PANK4: variants seen among roughly 807,000 people sequenced by gnomAD.
PANK4 encodes the protein 4'-phosphopantetheine phosphatase.
PANK4 carries 40 observed loss-of-function variants against 87.9 expected under a neutral mutation model. The ratio of observed to expected loss-of-function variants is 0.46; its 90% CI spans 0.35 to 0.59. PANK4 has a LOEUF of 0.59. PANK4 is among the 20% of genes least tolerant of loss of function. The pLI, the probability that PANK4 is intolerant of heterozygous loss-of-function variation, is 0.00. For synonymous variants in PANK4, 524 were observed against 467.4 expected (o/e 1.12, Z -1.56); for missense variants, 926 against 1,072.3 (o/e 0.86, Z 1.90).
chr1:2,522,286 C>A lies in PANK4; in HGVS notation c.125-486G>T, dbSNP rs928978320. ...GGGCGGTAACGGGGCCTGAGCAGCTCCCCTACCCTGGAGAGGCAAACGGTG... is the reference window on the plus strand; with the variant it reads ...GGGCGGTAACGGGGCCTGAGCAGCTACCCTACCCTGGAGAGGCAAACGGTG... On this transcript the variant is annotated intron_variant, in intron 1 of 18. Transcript: ENST00000378466. 6.2e-4 allele frequency among the ~76,000 whole-genome samples: 95 copies of A among 152,322 alleles called. 2 individuals are homozygous for A. The highest frequency in any genetic ancestry group is 2.1e-3 in the African/African-American group (86 of 41,572).
At chr1:2,517,312 T>C (rs1050108515) in intron 9 of PANK4, among the ~76,000 whole-genome samples, 1 of 152,184 alleles carries the variant, frequency 6.6e-6, no homozygotes, top group Non-Finnish European at 1.5e-5. Flanking sequence ...GGAGGCGCCC[T>C]CCTGAGAAGC....
chr1:2,519,245 T>C lies in PANK4; in HGVS notation c.933A>G (p.Ala311=), dbSNP rs1333446891. 1.9e-6 allele frequency: 3 copies of C among 1,612,558 alleles called. No homozygotes were observed. The highest frequency in any genetic ancestry group is 3.3e-5 in the Admixed American group (2 of 60,000). ...ACACGCGGTCCAGGCTGTGCAGCCG[T>C]GCGTGGAGGCAGGCCAGCTGCCCAA... ...NDIGQLACLH[A]RLHSLDRVYF... Residue 311 remains alanine, a synonymous_variant, in exon 7 of 19, where the codon GCA becomes GCG. Coordinates refer to ENST00000378466, the MANE Select transcript of PANK4 (RefSeq NM_018216.4). This position sits in a 1 kb window ranked among gnomAD's most constrained non-coding sequence, Gnocchi z 8.3.
At position 2,510,648 on chromosome 1, in the gene PANK4, A is replaced by C; in HGVS notation, c.1938+30T>G. On this transcript the variant is annotated intron_variant, in intron 16 of 18. Transcript: ENST00000378466. The surrounding 1 kb of genome is among the most constrained non-coding windows in gnomAD (Gnocchi z 4.9). ...CACCGAGAGCAGAGAAGCCCAGGGG[A>C]AGGGCCCCACCCACCACCTCAACAC... The C allele has an allele frequency of 1.5e-6, 2 of 1,313,708 alleles. No homozygotes were observed. The highest frequency in any genetic ancestry group is 2.2e-6 in the Non-Finnish European group (2 of 911,148). The allele number at this position is 1,313,708 out of a possible 1,614,324, so 81.4% of individuals were successfully genotyped here. A position where few individuals can be genotyped will look rare whatever the true frequency, so the allele number is the denominator to read the frequency against.
At position 2,519,978 on chromosome 1, in the gene PANK4, G is replaced by A; in HGVS notation, c.700-24C>T. ...TTCTGCAGGACACGGCGAGGGGGCG[G>A]GTGAGGCGCCAGGAGCTGCTGGAAT... On this transcript the variant is annotated intron_variant, in intron 5 of 18. Coordinates refer to ENST00000378466, the MANE Select transcript of PANK4 (RefSeq NM_018216.4). This position sits in a 1 kb window ranked among gnomAD's most constrained non-coding sequence, Gnocchi z 8.3. 2.0e-6 allele frequency: 3 copies of A among 1,529,924 alleles called. No homozygotes were observed. Among genetic ancestry groups the A allele is most frequent in the Non-Finnish European group, 1.8e-6 (2 of 1,132,658 alleles). The allele number at this position is 1,529,924 out of a possible 1,614,324, so 94.8% of individuals were successfully genotyped here.
At position 2,518,413 on chromosome 1, in the gene PANK4, G is replaced by A. The variant is rs553865748; in HGVS notation, c.1117+103C>T. ...CTGCTGTCACTTTCTGAGGACTCAC[G>A]CTCCCCACCCCACCTCCACCCTGGG... is the stretch of plus-strand genomic sequence containing the variant. On this transcript the variant is annotated intron_variant, in intron 8 of 18. Coordinates refer to ENST00000378466, the MANE Select transcript of PANK4 (RefSeq NM_018216.4). The A allele has an allele frequency of 2.7e-4, 292 of 1,072,720 alleles. 1 individual carries two copies. The highest frequency in any genetic ancestry group is 1.7e-3 in the South Asian group (128 of 73,818). The allele number at this position is 1,072,720 out of a possible 1,614,324, so 66.5% of individuals were successfully genotyped here.
intron 14 of PANK4, 103 bp from the exon 15 acceptor site, chr1:2,511,490 G>A: frequency 6.4e-6 from 7 of 1,101,004 alleles, no homozygotes; most frequent in East Asian, 2.4e-5. Context: ...AGTTCTCCCC[G>A]CCCCCGAAGC....
intron 13 of PANK4, 94 bp from the exon 14 acceptor site, chr1:2,511,777 G>A (rs1643666391): frequency 1.3e-6 from 1 of 757,960 alleles, no homozygotes; most frequent in South Asian, 1.5e-5. Flanking sequence ...CTCCCAGGCG[G>A]GACAGAGGCA....
At chr1:2,513,607 T>C (rs1643703781) in intron 12 of PANK4, among the ~76,000 whole-genome samples, 1 of 152,128 alleles carries the variant, frequency 6.6e-6, no homozygotes, top group South Asian at 2.1e-4. Context: ...GCCAGGGTGG[T>C]CCAGGGTTCC....
At chr1:2,522,816 GGA>G (rs371778817) in intron 1 of PANK4, among the ~76,000 whole-genome samples, 424 of 3,158 alleles carry the variant, frequency 0.13, 5 homozygotes, top group African/African-American at 0.17. Flanking sequence ...GGAGGGCACT[GGA>G]TGGTGCTATA....
rs937858416 is a variant in PANK4, at chr1:2,520,129, T to C, written c.700-175A>G. ...GGACCCTCGGGCCACCCAGCCAGGA[T>C]AGAAGCTCTGGGTTGCTGGGACACC... On this transcript the variant is annotated intron_variant, in intron 5 of 18. Coordinates refer to ENST00000378466, the MANE Select transcript of PANK4 (RefSeq NM_018216.4). This position sits in a 1 kb window ranked among gnomAD's most constrained non-coding sequence, Gnocchi z 6.2. Among the ~76,000 whole-genome samples the C allele has an allele frequency of 6.6e-6, 1 of 151,950 alleles. No individual in the cohort carries two copies. Among genetic ancestry groups the C allele is most frequent in the Non-Finnish European group, 1.5e-5 (1 of 67,964 alleles).
rs528871070 is a variant in PANK4, at chr1:2,518,805, C to T, written c.1036-208G>A. On this transcript the variant is annotated intron_variant, in intron 7 of 18. Coordinates refer to ENST00000378466, the MANE Select transcript of PANK4 (RefSeq NM_018216.4). Reference sequence around the variant, plus strand: ...AAGAAAGCTAAGGGTGAGATAGCTTCTCCCATGCAGCGAGTCCCTGGCCCA... The same window carrying T: ...AAGAAAGCTAAGGGTGAGATAGCTTTTCCCATGCAGCGAGTCCCTGGCCCA... Among the ~76,000 whole-genome samples the T allele has an allele frequency of 2.6e-5, 4 of 152,380 alleles. No individual in the cohort carries two copies. The East Asian group carries it at 5.8e-4, about 22-fold the overall frequency.
chr1:2,513,670 C>G (rs1187985997), intron 12 of PANK4, among the ~76,000 whole-genome samples: 1 of 152,228 alleles, frequency 6.6e-6, no homozygotes, highest in Non-Finnish European at 1.5e-5. Context: ...CCCACCCTCA[C>G]AGAAGCTGGG....
At chr1:2,512,707 G>A (rs1044263015) in intron 13 of PANK4, 181 bp downstream of exon 13, 12 of 638,154 alleles carry the variant, frequency 1.9e-5, no homozygotes, top group African/African-American at 5.5e-5. Flanking sequence ...AGGGCGCTGC[G>A]CCCTGCCCAG....
chr1:2,521,951 C>T (rs751629437), intron 1 of PANK4, 151 bp from the exon 2 acceptor site: 27 of 650,900 alleles, frequency 4.1e-5, no homozygotes, highest in Non-Finnish European at 6.7e-5. Flanking sequence ...CCTGTGGGCA[C>T]AAAAGAGAGG....
In PANK4 at chr1:2,520,732, G is replaced by A. The variant is rs747102199; in HGVS notation, c.597C>T (p.Ser199=). The change falls in exon 4 of 19, where the codon TCC becomes TCT. Residue 199 remains serine (S), a synonymous_variant. Transcript: ENST00000378466. This position sits in a 1 kb window ranked among gnomAD's most constrained non-coding sequence, Gnocchi z 6.2. ...YLLVNIGSGV[S]IVKVETEDRF... is the part of the protein sequence containing the mutation. ...TGAAGCCGGGTCTTACCTTCACGAT[G>A]GAGACTCCAGAGCCGATATTGACAA... 2 of 1,612,640 alleles carry A rather than the reference G, an allele frequency of 1.2e-6. No individual in the cohort carries two copies. Among genetic ancestry groups the A allele is most frequent in the East Asian group, 2.2e-5 (1 of 44,878 alleles).
chr1:2,513,932 G>C, intron 12 of PANK4, 70 bp downstream of exon 12: 1 of 1,174,458 alleles, frequency 8.5e-7, no homozygotes, highest in Admixed American at 1.7e-5. Context: ...CAGCGGGACA[G>C]AGACAGGACA....
At position 2,510,947 on chromosome 1, in the gene PANK4, T is replaced by A. The variant is rs186884832; in HGVS notation, c.1834-165A>T. Reference sequence around the variant, plus strand: ...TCCTGCAGGGGCCGAGACCAGGGGCTTCAGGGCCCCAGAGGTGCCGGGACT... The same window carrying A: ...TCCTGCAGGGGCCGAGACCAGGGGCATCAGGGCCCCAGAGGTGCCGGGACT... On this transcript the variant is annotated intron_variant, in intron 15 of 18. Transcript: ENST00000378466. The surrounding 1 kb of genome is among the most constrained non-coding windows in gnomAD (Gnocchi z 4.9). Among the ~76,000 whole-genome samples the A allele has an allele frequency of 1.7e-4, 26 of 152,142 alleles. No homozygotes were observed. The highest frequency in any genetic ancestry group is 5.8e-4 in the African/African-American group (24 of 41,516).
intron 14 of PANK4, 64 bp downstream of exon 14, chr1:2,511,564 G>T: frequency 8.1e-7 from 1 of 1,234,002 alleles, no homozygotes; most frequent in Non-Finnish European, 1.2e-6. Flanking sequence ...ATTCGCTGTT[G>T]CAGAGAACGT....
rs1570529707 is a variant in PANK4 at position 2,509,800 on chromosome 1, G to T, written c.2108+62C>A. 4 of 1,466,862 alleles carry T rather than the reference G, an allele frequency of 2.7e-6. No individual in the cohort carries two copies. Among genetic ancestry groups the T allele is most frequent in the Non-Finnish European group, 3.8e-6 (4 of 1,054,168 alleles). 90.9% of individuals were successfully genotyped at this position (1,466,862 alleles called of 1,614,324 possible). ...GTGTCCCGCATGCACCTGGGTGCAG[G>T]TGCACGGCACAGAGGGCACAGAGCC... On this transcript the variant is annotated intron_variant, in intron 18 of 18. Coordinates refer to ENST00000378466, the MANE Select transcript of PANK4 (RefSeq NM_018216.4). This position sits in a 1 kb window ranked among gnomAD's most constrained non-coding sequence, Gnocchi z 4.9.
Sources: allele counts gnomAD v4.1 joint callset (sites outside exome capture counted in the v4.1 genomes callset), GRCh38; gene constraint gnomAD v4.1.1; non-coding constraint Gnocchi (gnomAD v3.1); transcripts MANE v1.5; gene names NCBI Gene and HGNC (gene_info 2026-07-23, HGNC 2026-07-21).